Variants in PTPRT observed in about 807,000 individuals in gnomAD.
PTPRT encodes protein tyrosine phosphatase receptor type T.
In PTPRT, 56 loss-of-function variants were observed where a neutral mutation model predicts 176.8. The observed-to-expected ratio is 0.32, with a 90% confidence interval of 0.26 to 0.40. The LOEUF is 0.40. PTPRT is among the 10% of genes least tolerant of loss of function. The pLI is 1.00. For synonymous variants in PTPRT, 783 were observed against 739.0 expected (o/e 1.06, Z -0.96); for missense variants, 1,540 against 1,908.2 (o/e 0.81, Z 3.60).
At chr20:42,815,794 C>T (rs2077773303) in intron 2 of PTPRT, among the ~76,000 whole-genome samples, 1 of 152,094 alleles carries the variant, frequency 6.6e-6, no homozygotes, top group Non-Finnish European at 1.5e-5. Context: ...GGAGAAATGT[C>T]ACCATAACTT....
chr20:42,999,436 A>C (rs1412965239), intron 1 of PTPRT, among the ~76,000 whole-genome samples: 2 of 133,298 alleles, frequency 1.5e-5, no homozygotes, highest in African/African-American at 2.8e-5. Context: ...AGCAAATTAT[A>C]GTGGTGGGGG....
At chr20:42,931,282 G>A (rs982081617) in intron 1 of PTPRT, among the ~76,000 whole-genome samples, 1 of 152,154 alleles carries the variant, frequency 6.6e-6, no homozygotes, top group African/African-American at 2.4e-5. Context: ...ATTGGTGGAG[G>A]GTGAGAGATC....
intron 7 of PTPRT, among the ~76,000 whole-genome samples, chr20:42,588,940 T>C (rs773107256): frequency 2.0e-5 from 3 of 152,180 alleles, no homozygotes; most frequent in Non-Finnish European, 4.4e-5. Flanking sequence ...TAAAGTTATA[T>C]GGTCCAAGGT....
At chr20:42,233,989 T>C (rs1159631034) in intron 15 of PTPRT, among the ~76,000 whole-genome samples, 1 of 152,164 alleles carries the variant, frequency 6.6e-6, no homozygotes, top group Non-Finnish European at 1.5e-5. Context: ...CACACAGCAC[T>C]GTATAAAGTG....
rs1386824625 is a variant in PTPRT, at chr20:42,108,055, G to A, written c.3255-1134C>T. 5.9e-5 allele frequency among the ~76,000 whole-genome samples: 9 copies of A among 152,118 alleles called. No individual in the cohort carries two copies. The South Asian group carries it at 8.3e-4, about 14-fold the overall frequency. ...GGAGGGAGTATAGGGGGGGTCACTC[G>A]TGTTTTTTTCTTCAATGTTCATATT... On this transcript the variant is annotated intron_variant, in intron 23 of 30. Transcript: ENST00000373187.
intron 7 of PTPRT, among the ~76,000 whole-genome samples, chr20:42,488,871 G>A (rs2071508892): frequency 6.6e-6 from 1 of 151,730 alleles, no homozygotes; most frequent in African/African-American, 2.4e-5. Flanking sequence ...GGCTGAGGTA[G>A]GAGAATTGCT....
chr20:42,956,384 C>T (rs206659), intron 1 of PTPRT, among the ~76,000 whole-genome samples: 1 of 152,024 alleles, frequency 6.6e-6, no homozygotes, highest in Non-Finnish European at 1.5e-5. Context: ...AAGTTTGTGG[C>T]ACCTCCCCCA....
chr20:42,706,460 G>C (rs1428993581), intron 6 of PTPRT, among the ~76,000 whole-genome samples: 1 of 151,758 alleles, frequency 6.6e-6, no homozygotes, highest in Non-Finnish European at 1.5e-5. Context: ...ACGTACATTT[G>C]AGCAAGTTAC....
At chr20:42,294,680 C>G in intron 12 of PTPRT, among the ~76,000 whole-genome samples, 1 of 150,894 alleles carries the variant, frequency 6.6e-6, no homozygotes, top group Non-Finnish European at 1.5e-5. Flanking sequence ...AAAATCTACC[C>G]CTAACAAGAA....
chr20:43,017,225 T>C (rs1985413538), intron 1 of PTPRT, among the ~76,000 whole-genome samples: 1 of 152,206 alleles, frequency 6.6e-6, no homozygotes, highest in Non-Finnish European at 1.5e-5. Flanking sequence ...AGTTCATCCA[T>C]TTAATTTTTT....
intron 9 of PTPRT, among the ~76,000 whole-genome samples, chr20:42,353,367 T>C (rs2058314668): frequency 6.6e-6 from 1 of 152,326 alleles, no homozygotes; most frequent in East Asian, 1.9e-4. Flanking sequence ...ATTTTAATAA[T>C]GGAGAAACTG....
intron 1 of PTPRT, among the ~76,000 whole-genome samples, chr20:43,156,924 A>G (rs561707953): frequency 9.1e-4 from 138 of 152,328 alleles, no homozygotes; most frequent in African/African-American, 3.2e-3. Flanking sequence ...GTCAGGGTTC[A>G]GGCAGAGATG....
At chr20:42,870,024 T>A (rs1397141800) in intron 2 of PTPRT, among the ~76,000 whole-genome samples, 2 of 152,106 alleles carry the variant, frequency 1.3e-5, no homozygotes, top group Non-Finnish European at 2.9e-5. Context: ...ACACCAAACA[T>A]AATGGTGCCT....
chr20:43,064,060 C>T (rs1191875052), intron 1 of PTPRT, among the ~76,000 whole-genome samples: 4 of 152,286 alleles, frequency 2.6e-5, no homozygotes, highest in South Asian at 4.1e-4. Flanking sequence ...CCTTCTATGG[C>T]ACAGACTACT....
At chr20:42,487,782 C>G (rs1048045812) in intron 7 of PTPRT, among the ~76,000 whole-genome samples, 1 of 152,190 alleles carries the variant, frequency 6.6e-6, no homozygotes, top group Non-Finnish European at 1.5e-5. Context: ...TCAGTGTTAA[C>G]TGCTACGCTT....
chr20:42,908,159 C>T (rs1346114888), intron 1 of PTPRT, among the ~76,000 whole-genome samples: 5 of 152,158 alleles, frequency 3.3e-5, no homozygotes, highest in African/African-American at 4.8e-5. Flanking sequence ...AGCAAGAGAA[C>T]GGGGGATAAG....
intron 13 of PTPRT, among the ~76,000 whole-genome samples, chr20:42,276,153 T>C (rs2057025811): frequency 6.6e-6 from 1 of 151,988 alleles, no homozygotes; most frequent in Non-Finnish European, 1.5e-5. Flanking sequence ...GAAAGGACAG[T>C]GTCATAGTCA....
intron 2 of PTPRT, among the ~76,000 whole-genome samples, chr20:42,806,676 A>C (rs1000829961): frequency 2.6e-5 from 4 of 152,056 alleles, no homozygotes; most frequent in Admixed American, 6.6e-5. Flanking sequence ...GGGTGTGACA[A>C]CTGCAGAGAC....
chr20:42,432,635 C>A (rs550633281), intron 9 of PTPRT, among the ~76,000 whole-genome samples: 2 of 152,304 alleles, frequency 1.3e-5, no homozygotes, highest in African/African-American at 4.8e-5. Context: ...TCATGCAAAG[C>A]AAGGGTTAAG....
Sources: gnomAD v4.1 joint callset for allele counts (sites outside exome capture counted in the v4.1 genomes callset) on GRCh38, gnomAD v4.1.1 for gene constraint, MANE v1.5 for transcripts, NCBI Gene and HGNC (gene_info 2026-07-23, HGNC 2026-07-21) for gene names.